Variants in SEMA6A observed in about 807,000 individuals in gnomAD.
SEMA6A encodes semaphorin 6A.
Under a neutral mutation model 96.8 loss-of-function variants are expected in SEMA6A, and 25 were observed. The ratio of observed to expected loss-of-function variants is 0.26; its 90% CI spans 0.19 to 0.36. The LOEUF (loss-of-function observed/expected upper bound fraction) is 0.36. Among genes scored for constraint, SEMA6A ranks in the 10% least tolerant of loss-of-function variants. SEMA6A has a pLI of 1.00. For missense variants in SEMA6A, 1,363 were observed against 1,323.1 expected, an observed-to-expected ratio of 1.03 and a Z score of -0.47; for synonymous variants, 612 against 518.0, an observed-to-expected ratio of 1.18 and a Z score of -2.46.
chr5:116,523,256 G>A lies in SEMA6A; in HGVS notation c.-38-18274C>T, dbSNP rs185238743. ...CACTTTGAGGTTGCTTTTCTCACCG[G>A]GTGGGTCACATTATGCTTTTTCTCT... On this transcript the variant is annotated intron_variant, in intron 1 of 18. Transcript: ENST00000343348. Among the ~76,000 whole-genome samples, 23 of 152,164 alleles carry A rather than the reference G, an allele frequency of 1.5e-4. No individual in the cohort carries two copies. In the East Asian group the frequency reaches 4.4e-3, roughly 29 times the overall value.
chr5:116,531,365 T>C (rs963554684), intron 1 of SEMA6A, among the ~76,000 whole-genome samples: 1 of 152,176 alleles, frequency 6.6e-6, no homozygotes, highest in African/African-American at 2.4e-5. Context: ...TTGGGAATTG[T>C]AGGACCTGTA....
chr5:116,455,515 A>G (rs979923536), intron 18 of SEMA6A, among the ~76,000 whole-genome samples: 4 of 152,154 alleles, frequency 2.6e-5, no homozygotes, highest in African/African-American at 7.2e-5. Context: ...CTATTTTCCA[A>G]CTTCCTGGTC....
intron 17 of SEMA6A, chr5:116,472,825 A>G: frequency 1.5e-6 from 2 of 1,291,064 alleles, no homozygotes; most frequent in Non-Finnish European, 2.1e-6. Context: ...AAAACTATAA[A>G]CTACTGCTGG....
At chr5:116,518,901 G>C (rs917491984) in intron 1 of SEMA6A, among the ~76,000 whole-genome samples, 1 of 151,862 alleles carries the variant, frequency 6.6e-6, no homozygotes, top group African/African-American at 2.4e-5. Context: ...GATTCCCCAC[G>C]TTCACTTTGA....
rs933801576 is a variant in SEMA6A, at chr5:116,445,582, G to A, written c.*1031C>T. 3 of 152,448 alleles carry A rather than the reference G, an allele frequency of 2.0e-5. No homozygotes were observed. Among genetic ancestry groups the A allele is most frequent in the Admixed American group, 2.0e-4 (3 of 15,286 alleles). 9.4% of individuals were successfully genotyped at this position (152,448 alleles called of 1,614,324 possible). A position where few individuals can be genotyped will look rare whatever the true frequency, so the allele number is the denominator to read the frequency against. On this transcript the variant is annotated 3_prime_UTR_variant, in exon 19 of 19. Coordinates refer to ENST00000343348, the MANE Select transcript of SEMA6A (RefSeq NM_020796.5). ...TCTCTCCTGATTGCTTTAGAAATTA[G>A]GATCTGGAAGGACTTTAACATGAAT...
At chr5:116,474,886 A>G (rs1230285395) in intron 16 of SEMA6A, among the ~76,000 whole-genome samples, 1 of 151,622 alleles carries the variant, frequency 6.6e-6, no homozygotes, top group Non-Finnish European at 1.5e-5. Flanking sequence ...GAATATTGAT[A>G]TTAATCGGGT....
At chr5:116,462,089 G>C (rs1755442421) in intron 18 of SEMA6A, among the ~76,000 whole-genome samples, 1 of 152,108 alleles carries the variant, frequency 6.6e-6, no homozygotes, top group African/African-American at 2.4e-5. Flanking sequence ...CATATGACTT[G>C]ATAGGAGCCA....
At position 116,574,161 on chromosome 5, in the gene SEMA6A, CGCGCCCGG is replaced by C. The variant is rs1009163541; in HGVS notation, c.-39+16_-39+23del. ...GAGTCCAGCTGCCCGGGAGGTGGGG[CGCGCCCGG>C]GCGCCCGGGGCGTACCTTTTCGGTG... On this transcript the variant is annotated intron_variant, in intron 1 of 18. Coordinates refer to ENST00000343348, the MANE Select transcript of SEMA6A (RefSeq NM_020796.5). 7 of 150,434 alleles carry C rather than the reference CGCGCCCGG, an allele frequency of 4.7e-5. No individual in the cohort carries two copies. Among genetic ancestry groups the C allele is most frequent in the Admixed American group, 2.6e-4 (4 of 15,144 alleles). The allele number at this position is 150,434 out of a possible 1,614,324, so 9.3% of individuals were successfully genotyped here.
chr5:116,499,233 TAA>T (rs1757756239), intron 3 of SEMA6A: 1 of 152,174 alleles, frequency 6.6e-6, no homozygotes, highest in Non-Finnish European at 1.5e-5. Context: ...TGCTTTATGG[TAA>T]ACCACAGACC....
At position 116,486,958 on chromosome 5, in the gene SEMA6A, G is replaced by T. The variant is rs770806027; in HGVS notation, c.753C>A (p.Phe251Leu). Residue 251 changes from phenylalanine (F) to leucine (L), a missense_variant, in exon 10 of 19, where the codon TTC becomes TTA. This residue lies in a region of SEMA6A where 480 missense variants were observed against 559.5 expected (regional missense o/e 0.86). Transcript: ENST00000343348. ...VEYNTMGKVVFPRVAQVCKND... is the reference protein window; with the variant it reads ...VEYNTMGKVVLPRVAQVCKND... ...TCTTACAAACCTGAGCCACTCTTGG[G>T]AAAACTACCTGCAGAGGAAAAACAC... The T allele has an allele frequency of 6.2e-7, 1 of 1,612,736 alleles. No individual in the cohort carries two copies. Among genetic ancestry groups the T allele is most frequent in the African/African-American group, 1.3e-5 (1 of 74,852 alleles).
intron 1 of SEMA6A, among the ~76,000 whole-genome samples, chr5:116,548,998 G>A (rs1413058518): frequency 6.6e-6 from 1 of 152,054 alleles, no homozygotes; most frequent in Non-Finnish European, 1.5e-5. Context: ...GCTAGCTGAT[G>A]GAAAGACCAA....
At chr5:116,547,353 G>C (rs1760227320) in intron 1 of SEMA6A, among the ~76,000 whole-genome samples, 1 of 152,066 alleles carries the variant, frequency 6.6e-6, no homozygotes, top group Non-Finnish European at 1.5e-5. Context: ...TAAACCCTCT[G>C]AATGTATTCA....
intron 1 of SEMA6A, among the ~76,000 whole-genome samples, chr5:116,511,044 G>A (rs542607950): frequency 3.3e-5 from 5 of 152,166 alleles, no homozygotes; most frequent in Non-Finnish European, 7.4e-5. Flanking sequence ...TAAGTAACAT[G>A]TCTAGGCAGC....
At chr5:116,487,736 T>C (rs953448475) in intron 9 of SEMA6A, among the ~76,000 whole-genome samples, 2 of 152,076 alleles carry the variant, frequency 1.3e-5, no homozygotes, top group African/African-American at 4.8e-5. Flanking sequence ...CGGTGGCGCA[T>C]GCCTGTAATC....
intron 18 of SEMA6A, among the ~76,000 whole-genome samples, chr5:116,467,333 C>A (rs773114450): frequency 5.7e-4 from 87 of 152,162 alleles, no homozygotes; most frequent in Non-Finnish European, 8.7e-4. Context: ...GGCCAAGCCA[C>A]ACCTTTTTCG....
chr5:116,523,426 G>A (rs888319428), intron 1 of SEMA6A, among the ~76,000 whole-genome samples: 1 of 152,086 alleles, frequency 6.6e-6, no homozygotes, highest in South Asian at 2.1e-4. Flanking sequence ...CGATTCTCCT[G>A]CCTCAGCCTC....
intron 18 of SEMA6A, among the ~76,000 whole-genome samples, chr5:116,460,166 A>G (rs1181116201): frequency 6.6e-6 from 1 of 152,214 alleles, no homozygotes; most frequent in African/African-American, 2.4e-5. Context: ...TAAGTAAAAC[A>G]TAAAAGAACC....
intron 1 of SEMA6A, among the ~76,000 whole-genome samples, chr5:116,567,468 GTAAAAATAA>G (rs1197841903): frequency 1.3e-5 from 2 of 152,108 alleles, no homozygotes; most frequent in African/African-American, 4.8e-5. Context: ...TGTTACTCAA[GTAAAAATAA>G]TACCTTATGT....
At chr5:116,492,636 G>C (rs1366028521) in intron 6 of SEMA6A, among the ~76,000 whole-genome samples, 2 of 152,214 alleles carry the variant, frequency 1.3e-5, no homozygotes, top group Non-Finnish European at 2.9e-5. Context: ...CTCTCCCCTA[G>C]ATAATCTTGA....
Sources: gnomAD v4.1 joint callset for allele counts (sites outside exome capture counted in the v4.1 genomes callset) on GRCh38, gnomAD v4.1.1 for gene constraint, gnomAD v4.1.1 regional missense constraint, MANE v1.5 for transcripts, NCBI Gene and HGNC (gene_info 2026-07-23, HGNC 2026-07-21) for gene names.